The following RNF212 variants were observed in gnomAD, a reference collection of about 807,000 sequenced individuals.
RNF212 encodes the protein ring finger protein 212.
Under a neutral mutation model 34.7 loss-of-function variants are expected in RNF212, and 33 were observed. The ratio of observed to expected loss-of-function variants is 0.95; its 90% CI spans 0.72 to 1.27. The LOEUF is 1.27. Ranked by LOEUF, RNF212 falls within the 50% of genes most tolerant of loss-of-function variation. The pLI is 0.00. For synonymous variants in RNF212, 140 were observed against 136.1 expected, an observed-to-expected ratio of 1.03 and a Z score of -0.20; for missense variants, 377 against 362.2, an observed-to-expected ratio of 1.04 and a Z score of -0.33.
chr4:1,098,818 C>T (rs1234501041), intron 2 of RNF212, among the ~76,000 whole-genome samples: 2 of 152,174 alleles, frequency 1.3e-5, no homozygotes, highest in East Asian at 3.8e-4. Flanking sequence ...CAGAGCGTGG[C>T]CCATGTGAGT....
intron 5 of RNF212, among the ~76,000 whole-genome samples, chr4:1,084,356 T>G (rs1392906403): frequency 6.6e-6 from 1 of 152,202 alleles, no homozygotes; most frequent in African/African-American, 2.4e-5. Context: ...GAGGCTTTGC[T>G]GTCCACATAA....
chr4:1,104,934 G>T lies in RNF212; in HGVS notation c.171+3409C>A, dbSNP rs116307182. ...CGTCATGAGGCATTTGAGGATGGGT[G>T]CTGGGGGCTCCTCCCCCAGGGAGAG... On this transcript the variant is annotated intron_variant, in intron 2 of 9. Coordinates refer to ENST00000433731, the MANE Select transcript of RNF212 (RefSeq NM_001131034.4). 5.6e-3 allele frequency among the ~76,000 whole-genome samples: 860 copies of T among 152,256 alleles called. 11 individuals are homozygous for T. The highest frequency in any genetic ancestry group is 0.02 in the African/African-American group (820 of 41,556).
chr4:1,058,312 G>GTTAGAACGCTGTGAAGAAGGCGCTTGC (rs1296586766), intron 4 of RNF212: 1 of 718,152 alleles, frequency 1.4e-6, no homozygotes, highest in African/African-American at 2.2e-5. Flanking sequence ...GCTTGCGGGG[G>GTTAGAACGCTGTGAAGAAGGCGCTTGC]GGCACTACCT....
intron 5 of RNF212, chr4:1,082,060 G>A (rs1242638888): frequency 4.6e-6 from 1 of 215,856 alleles, no homozygotes; most frequent in Non-Finnish European, 9.3e-6. Flanking sequence ...AGGCTACAGT[G>A]AGCTGTGATT....
intron 3 of RNF212, among the ~76,000 whole-genome samples, chr4:1,063,591 G>T (rs4690345): frequency 1.3e-4 from 19 of 150,902 alleles, no homozygotes; most frequent in African/African-American, 1.9e-4. Context: ...ATCCCAGCTC[G>T]TCAGGAGGCT....
intron 3 of RNF212, among the ~76,000 whole-genome samples, chr4:1,065,885 T>C (rs1158119256): frequency 6.6e-6 from 1 of 151,058 alleles, no homozygotes; most frequent in East Asian, 1.9e-4. Flanking sequence ...CGGCCTGTTT[T>C]TGTTTTTAAG....
chr4:1,083,808 C>A (rs1286046347), intron 5 of RNF212, among the ~76,000 whole-genome samples: 1 of 152,078 alleles, frequency 6.6e-6, no homozygotes, highest in African/African-American at 2.4e-5. Context: ...CAGGTTGTGG[C>A]TGGGGATGCA....
intron 1 of RNF212, among the ~76,000 whole-genome samples, chr4:1,108,854 C>G (rs1337500364): frequency 6.6e-6 from 1 of 152,052 alleles, no homozygotes; most frequent in African/African-American, 2.4e-5. Flanking sequence ...CGTGTGCCGC[C>G]ACAGCCAGAT....
intron 2 of RNF212, chr4:1,099,911 G>A: frequency 2.2e-6 from 1 of 455,798 alleles, no homozygotes; most frequent in South Asian, 1.5e-5. Flanking sequence ...CTCGCTGTCA[G>A]ACACAGGAAA....
chr4:1,077,202 T>C (rs1296450457), intron 8 of RNF212, among the ~76,000 whole-genome samples: 1 of 152,174 alleles, frequency 6.6e-6, no homozygotes, highest in Non-Finnish European at 1.5e-5. Context: ...CACTCCAGCC[T>C]ATAGGCAATA....
upstream of RNF212, chr4:1,113,661 G>A: frequency 2.1e-6 from 1 of 478,980 alleles, no homozygotes; most frequent in Non-Finnish European, 3.7e-6. Context: ...GGGAGGGCGC[G>A]TGTGACTCGT....
Position 1,106,802 on chromosome 4 carries a change from G to C in RNF212, c.171+1541C>G, listed in dbSNP as rs149655587. Among the ~76,000 whole-genome samples the C allele has an allele frequency of 1.2e-3, 187 of 152,330 alleles. 2 individuals carry two copies. The Middle Eastern group carries it at 0.014, about 11-fold the overall frequency. Reference sequence around the variant, plus strand: ...AAGCTGCCACATGTGTGGAGGAAAAGAAAGTATTTTCTGTTAAAAGTGCAA... The same window carrying C: ...AAGCTGCCACATGTGTGGAGGAAAACAAAGTATTTTCTGTTAAAAGTGCAA... On this transcript the variant is annotated intron_variant, in intron 2 of 9. Transcript: ENST00000433731.
Position 1,085,883 on chromosome 4 carries a change from TG to T in RNF212, c.362+12del, listed in dbSNP as rs760323061. ...GCCTCGACTGCGCACTCACGGGGGG[TG>T]GGGCGCCTTACCTTTGTAGTTGTTC... On this transcript the variant is annotated intron_variant, in intron 5 of 9. Coordinates refer to ENST00000433731, the MANE Select transcript of RNF212 (RefSeq NM_001131034.4). 14 of 1,600,614 alleles carry T rather than the reference TG, an allele frequency of 8.7e-6. No individual in the cohort carries two copies. Among genetic ancestry groups the T allele is most frequent in the Non-Finnish European group, 1.2e-5 (14 of 1,168,634 alleles).
chr4:1,076,702 C>T (rs540367816), intron 8 of RNF212, among the ~76,000 whole-genome samples: 104 of 152,304 alleles, frequency 6.8e-4, no homozygotes, highest in Non-Finnish European at 5.0e-4. Context: ...GGTGACAAGG[C>T]GTTTCGGGAG....
chr4:1,065,102 G>T (rs775834973), intron 3 of RNF212, among the ~76,000 whole-genome samples: 2 of 152,132 alleles, frequency 1.3e-5, no homozygotes, highest in African/African-American at 4.8e-5. Flanking sequence ...TACGATCTTG[G>T]GTATACAAGC....
At chr4:1,076,898 T>C (rs1719394206) in intron 8 of RNF212, among the ~76,000 whole-genome samples, 1 of 152,220 alleles carries the variant, frequency 6.6e-6, no homozygotes, top group Admixed American at 6.5e-5. Context: ...GTTGAGTAGC[T>C]GTGGACTGTC....
At chr4:1,090,889 G>A in intron 3 of RNF212, 51 bp from the exon 4 acceptor site, 1 of 1,233,018 alleles carries the variant, frequency 8.1e-7, no homozygotes, top group Non-Finnish European at 1.2e-6. Context: ...GGTCTCTGTG[G>A]CTGGAGTTTT....
At chr4:1,085,689 T>C in intron 5 of RNF212, 1 of 591,616 alleles carries the variant, frequency 1.7e-6, no homozygotes, top group Non-Finnish European at 3.0e-6. Context: ...ACCATTCATC[T>C]CTTTTTCACT....
intron 3 of RNF212, among the ~76,000 whole-genome samples, chr4:1,094,168 C>G (rs1722675708): frequency 6.6e-6 from 1 of 152,120 alleles, no homozygotes; most frequent in Non-Finnish European, 1.5e-5. Flanking sequence ...TCCTGGCTGC[C>G]CCCACTAGGC....
Sources: allele counts gnomAD v4.1 joint callset (sites outside exome capture counted in the v4.1 genomes callset), GRCh38; gene constraint gnomAD v4.1.1; transcripts MANE v1.5; gene names NCBI Gene and HGNC (gene_info 2026-07-23, HGNC 2026-07-21).